Variants in ITGA8 observed in about 807,000 individuals in gnomAD.
ITGA8 encodes the protein integrin alpha-8.
ITGA8 carries 91 observed loss-of-function variants against 142.3 expected under a neutral mutation model. The observed-to-expected ratio is 0.64, with a 90% CI of 0.54 to 0.76. The LOEUF (loss-of-function observed/expected upper bound fraction) is 0.76, where lower values mean the gene tolerates loss of function less well. ITGA8 is among the 30% of genes least tolerant of loss of function. The probability of loss-of-function intolerance (pLI) is 0.00; values close to 1 mark genes in which losing one functional copy is unlikely to be tolerated. For missense variants in ITGA8, 1,406 were observed against 1,327.7 expected, an observed-to-expected ratio of 1.06 and a Z score of -0.92; for synonymous variants, 505 against 485.2, an observed-to-expected ratio of 1.04 and a Z score of -0.54.
At chr10:15,656,165 C>T (rs1834180067) in intron 10 of ITGA8, among the ~76,000 whole-genome samples, 1 of 152,158 alleles carries the variant, frequency 6.6e-6, no homozygotes, top group Admixed American at 6.5e-5. Context: ...ACACAGATGA[C>T]ACTTGTGAGT....
intron 11 of ITGA8, among the ~76,000 whole-genome samples, chr10:15,648,191 A>C (rs1358580410): frequency 6.6e-6 from 1 of 152,162 alleles, no homozygotes; most frequent in Non-Finnish European, 1.5e-5. Context: ...ACACCAACCA[A>C]AAATATATAA....
intron 3 of ITGA8, among the ~76,000 whole-genome samples, chr10:15,686,294 C>A (rs1834831585): frequency 6.6e-6 from 1 of 152,188 alleles, no homozygotes; most frequent in South Asian, 2.1e-4. Flanking sequence ...AAAGTCTTGG[C>A]CAATACCCCA....
chr10:15,655,204 C>A (rs1021621639), intron 11 of ITGA8, 150 bp downstream of exon 11: 24 of 492,368 alleles, frequency 4.9e-5, no homozygotes, highest in Non-Finnish European at 8.3e-5. Flanking sequence ...TTAATAGATG[C>A]ATCTTCTTGT....
intron 2 of ITGA8, among the ~76,000 whole-genome samples, chr10:15,702,970 G>GC (rs1835192692): frequency 6.6e-6 from 1 of 152,146 alleles, no homozygotes; most frequent in South Asian, 2.1e-4. Context: ...AATTTAAGAA[G>GC]CTTGTAGACT....
Position 15,684,044 on chromosome 10 carries a change from C to T in ITGA8, c.528G>A (p.Gln176=), listed in dbSNP as rs149496502. The part of the protein sequence containing the change: ...DPVGTCYVAI[Q]NFSAYAEFSP... ...AGAACTCGGCATAGGCGCTGAAGTT[C>T]TGAATTGCTACATAGCAGGTGCCAA... Residue 176 remains glutamine (Q), a synonymous_variant, in exon 4 of 30, where the codon CAG becomes CAA. Transcript: ENST00000378076. 8.1e-6 allele frequency: 13 copies of T among 1,614,054 alleles called. No individual in the cohort carries two copies. In the African/African-American group the frequency reaches 1.5e-4, roughly 18 times the overall value.
intron 28 of ITGA8, among the ~76,000 whole-genome samples, chr10:15,520,699 T>C (rs1770561693): frequency 6.6e-6 from 1 of 152,230 alleles, no homozygotes; most frequent in Non-Finnish European, 1.5e-5. Flanking sequence ...GAGCGCTACA[T>C]TATTCTTGGA....
Position 15,613,688 on chromosome 10 carries a change from C to A in ITGA8, c.1525G>T (p.Val509Phe), listed in dbSNP as rs562230098. 3.4e-5 allele frequency: 55 copies of A among 1,613,776 alleles called. No homozygotes were observed. Among genetic ancestry groups the A allele is most frequent in the Middle Eastern group, 3.3e-4 (2 of 6,084 alleles). Residue 509 changes from valine (V) to phenylalanine (F), a missense_variant, in exon 15 of 30, where the codon GTT (valine) becomes TTT (phenylalanine). Transcript: ENST00000378076. The part of the protein sequence containing the change: ...IINLENKTCQ[V>F]PDSMTSAACF... The stretch of plus-strand genomic sequence containing the variant: ...GCAGCAGATGTCATAGAGTCTGGAA[C>A]CTGGCAAGTTTTATTTTCAAGATTG...
chr10:15,705,192 G>T (rs1019841535), intron 2 of ITGA8, among the ~76,000 whole-genome samples: 9 of 152,070 alleles, frequency 5.9e-5, no homozygotes, highest in Non-Finnish European at 8.8e-5. Context: ...AAAGGCAAAA[G>T]GTTACTTATC....
At chr10:15,694,426 C>CATATATCAGATAATAT (rs1564412570) in intron 2 of ITGA8, among the ~76,000 whole-genome samples, 4 of 134,578 alleles carry the variant, frequency 3.0e-5, no homozygotes, top group Admixed American at 7.8e-5. Context: ...GATAATATAT[C>CATATATCAGATAATAT]ATATATATGA....
chr10:15,669,210 GT>G (rs766166523), intron 8 of ITGA8, among the ~76,000 whole-genome samples: 1 of 152,146 alleles, frequency 6.6e-6, no homozygotes, highest in Non-Finnish European at 1.5e-5. Flanking sequence ...TGGAGGCTTT[GT>G]TCATTTCTTT....
chr10:15,639,484 A>G (rs1047909261), intron 13 of ITGA8, among the ~76,000 whole-genome samples: 2 of 152,168 alleles, frequency 1.3e-5, no homozygotes, highest in African/African-American at 2.4e-5. Context: ...TACAGATAAC[A>G]TGCATGCACA....
At chr10:15,543,576 AT>A (rs1460644229) in intron 27 of ITGA8, among the ~76,000 whole-genome samples, 1 of 152,192 alleles carries the variant, frequency 6.6e-6, no homozygotes, top group Non-Finnish European at 1.5e-5. Context: ...AACAAAACCA[AT>A]TTAAACCCTA....
intron 10 of ITGA8, among the ~76,000 whole-genome samples, chr10:15,656,091 CA>C (rs1834178725): frequency 6.6e-6 from 1 of 152,034 alleles, no homozygotes; most frequent in Non-Finnish European, 1.5e-5. Flanking sequence ...TCTCAAAAGA[CA>C]ATATTGTCAC....
chr10:15,523,625 T>C (rs1833108974), intron 28 of ITGA8, among the ~76,000 whole-genome samples: 1 of 151,916 alleles, frequency 6.6e-6, no homozygotes, highest in Admixed American at 6.6e-5. Flanking sequence ...AAATACCACT[T>C]TGGGCCAGGT....
chr10:15,636,032 T>A (rs1833767432), intron 13 of ITGA8, among the ~76,000 whole-genome samples: 1 of 151,820 alleles, frequency 6.6e-6, no homozygotes, highest in Non-Finnish European at 1.5e-5. Context: ...CATGATATAA[T>A]TATATAGTAG....
At chr10:15,681,305 G>A (rs1207906160) in intron 4 of ITGA8, among the ~76,000 whole-genome samples, 1 of 152,106 alleles carries the variant, frequency 6.6e-6, no homozygotes, top group African/African-American at 2.4e-5. Flanking sequence ...GGCCATGACG[G>A]GAAGTCTGCT....
intron 25 of ITGA8, among the ~76,000 whole-genome samples, chr10:15,561,227 ATATATATG>A (rs766443914): frequency 0.15 from 17,202 of 114,386 alleles, 1,222 homozygotes; most frequent in Middle Eastern, 0.21. Flanking sequence ...ATATATATAT[ATATATATG>A]TATATATATA....
intron 8 of ITGA8, among the ~76,000 whole-genome samples, chr10:15,664,958 T>C (rs1834359390): frequency 6.6e-6 from 1 of 152,174 alleles, no homozygotes; most frequent in Non-Finnish European, 1.5e-5. Flanking sequence ...CTATTGTGAA[T>C]AGAGCCGCAA....
chr10:15,587,719 C>T (rs1832857136), intron 22 of ITGA8, among the ~76,000 whole-genome samples: 1 of 152,114 alleles, frequency 6.6e-6, no homozygotes, highest in African/African-American at 2.4e-5. Flanking sequence ...TTAAGAGTGT[C>T]TAGATAGAAG....
Sources: gnomAD v4.1 joint callset for allele counts (sites outside exome capture counted in the v4.1 genomes callset) on GRCh38, gnomAD v4.1.1 for gene constraint, MANE v1.5 for transcripts, NCBI Gene and HGNC (gene_info 2026-07-23, HGNC 2026-07-21) for gene names.